MFSD6: variants seen among roughly 807,000 people sequenced by gnomAD.
MFSD6 encodes major facilitator superfamily domain-containing protein 6.
In MFSD6, 26 loss-of-function variants were observed where a neutral mutation model predicts 56.3. That is an observed-to-expected ratio of 0.46 (90% CI 0.34 to 0.64). MFSD6 has a LOEUF of 0.64. MFSD6 is among the 30% of genes least tolerant of loss of function. The pLI is 0.01. For missense variants in MFSD6, 750 were observed against 986.2 expected (o/e 0.76, Z 3.21); for synonymous variants, 331 against 366.9 (o/e 0.90, Z 1.12).
Position 190,498,216 on chromosome 2 carries a change from C to T in MFSD6, c.2172+497C>T, listed in dbSNP as rs1328385528. 6.6e-6 allele frequency among the ~76,000 whole-genome samples: 1 copy of T among 152,080 alleles called. No individual in the cohort carries two copies. Among genetic ancestry groups the T allele is most frequent in the Non-Finnish European group, 1.5e-5 (1 of 68,012 alleles). ...TCTAAAAGTGTGATTTTTCTTGTCC[C>T]CAGAGGAGTGATCTTTCCTGAGTAA... On this transcript the variant is annotated intron_variant, in intron 7 of 7. Coordinates refer to ENST00000392328, the MANE Select transcript of MFSD6 (RefSeq NM_017694.4). This position sits in a 1 kb window ranked among gnomAD's most constrained non-coding sequence, Gnocchi z 5.9.
chr2:190,429,999 T>TTC (rs1685912424), intron 2 of MFSD6, among the ~76,000 whole-genome samples: 2 of 141,542 alleles, frequency 1.4e-5, no homozygotes, highest in Non-Finnish European at 3.0e-5. Context: ...CTCCCCCAGC[T>TTC]CCCCACCCCC....
In MFSD6 at chr2:190,502,093, T is replaced by C. The variant is rs1690050568; in HGVS notation, c.*1875T>C. 1 of 152,596 alleles carries C rather than the reference T, an allele frequency of 6.6e-6. No homozygotes were observed. Among genetic ancestry groups the C allele is most frequent in the South Asian group, 2.1e-4 (1 of 4,828 alleles). 9.5% of individuals were successfully genotyped at this position (152,596 alleles called of 1,614,324 possible). ...CCATTTTTAAATGTTTCTTAAATGATAAAGATGTGACCAAACAAAAGTCCT... is the reference window on the plus strand; with the variant it reads ...CCATTTTTAAATGTTTCTTAAATGACAAAGATGTGACCAAACAAAAGTCCT... On this transcript the variant is annotated 3_prime_UTR_variant, in exon 8 of 8. Transcript: ENST00000392328. The surrounding 1 kb of genome is among the most constrained non-coding windows in gnomAD (Gnocchi z 4.4).
At chr2:190,479,498 C>T (rs1486025656) in intron 4 of MFSD6, among the ~76,000 whole-genome samples, 1 of 152,082 alleles carries the variant, frequency 6.6e-6, no homozygotes, top group Non-Finnish European at 1.5e-5. Context: ...GAATTTTCTC[C>T]TTTTGTTTTG....
chr2:190,432,266 C>G (rs1414652070), intron 2 of MFSD6, among the ~76,000 whole-genome samples: 2 of 152,164 alleles, frequency 1.3e-5, no homozygotes, highest in Admixed American at 1.3e-4. Flanking sequence ...TCTTGCCAGC[C>G]TCTGGGAACC....
At chr2:190,468,656 A>G (rs993664439) in intron 3 of MFSD6, among the ~76,000 whole-genome samples, 1 of 143,100 alleles carries the variant, frequency 7.0e-6, no homozygotes, top group African/African-American at 2.6e-5. Context: ...ACAGGTTCTC[A>G]CTATGTTGCC....
chr2:190,414,676 A>T (rs1047455919), intron 1 of MFSD6, among the ~76,000 whole-genome samples: 55 of 152,248 alleles, frequency 3.6e-4, no homozygotes, highest in Non-Finnish European at 7.9e-4. Context: ...GAACAAGGAC[A>T]TCCTAATTGT....
rs35466789 is a variant in MFSD6, at chr2:190,421,725, TA to T, written c.-54+6322del. ...CATGTACCACCATACCTGGCTAACT[TA>T]AAAAAAAAATTTTTTTTAAAGATGG... On this transcript the variant is annotated intron_variant, in intron 2 of 7. Transcript: ENST00000392328. 3.5e-3 allele frequency among the ~76,000 whole-genome samples: 522 copies of T among 151,008 alleles called. 4 individuals carry two copies. The highest frequency in any genetic ancestry group is 0.012 in the African/African-American group (494 of 41,040).
chr2:190,464,811 A>C, intron 3 of MFSD6: 1 of 631,358 alleles, frequency 1.6e-6, no homozygotes. Flanking sequence ...TTTCCTCTTC[A>C]TTTTTACTCC....
At position 190,451,742 on chromosome 2, in the gene MFSD6, G is replaced by C. The variant is rs1489690707; in HGVS notation, c.1532+14181G>C. 6.6e-6 allele frequency among the ~76,000 whole-genome samples: 1 copy of C among 152,232 alleles called. No individual in the cohort carries two copies. The highest frequency in any genetic ancestry group is 1.5e-5 in the Non-Finnish European group (1 of 68,046). The stretch of plus-strand genomic sequence containing the variant: ...AGAAAACCACACATGTGAATGGCCA[G>C]GGAGAGGGTAATAAAAGGACACCAG... On this transcript the variant is annotated intron_variant, in intron 3 of 7. Transcript: ENST00000392328. This position sits in a 1 kb window ranked among gnomAD's most constrained non-coding sequence, Gnocchi z 5.0.
chr2:190,411,254 G>A (rs1474636919), intron 1 of MFSD6: 1 of 539,944 alleles, frequency 1.9e-6, no homozygotes, highest in African/African-American at 2.1e-5. Flanking sequence ...CTGCCTCCTG[G>A]GTTCAAACTA....
chr2:190,476,463 T>C (rs2099859348), intron 4 of MFSD6, among the ~76,000 whole-genome samples: 1 of 152,194 alleles, frequency 6.6e-6, no homozygotes, highest in South Asian at 2.1e-4. Flanking sequence ...ATGCTCATCA[T>C]CACTGGCCAT....
intron 2 of MFSD6, among the ~76,000 whole-genome samples, chr2:190,420,292 A>G (rs1465582112): frequency 6.6e-6 from 1 of 151,796 alleles, no homozygotes; most frequent in African/African-American, 2.4e-5. Context: ...GTGCAAGTAA[A>G]CTCTGTTCCT....
Position 190,436,537 on chromosome 2 carries a change from A to T in MFSD6, c.508A>T (p.Thr170Ser), listed in dbSNP as rs1224807233. The T allele has an allele frequency of 6.2e-7, 1 of 1,614,186 alleles. No homozygotes were observed. Among genetic ancestry groups the T allele is most frequent in the Non-Finnish European group, 8.5e-7 (1 of 1,180,034 alleles). ...AAAGATTCGCCCAACAACTCACCCCACCAATGCAAGTCACCAGTTAACTAT... is the reference window on the plus strand; with the variant it reads ...AAAGATTCGCCCAACAACTCACCCCTCCAATGCAAGTCACCAGTTAACTAT... Reference protein sequence around the residue: ...VPKIRPTTHPTNASHQLTILP... With the variant: ...VPKIRPTTHPSNASHQLTILP... Residue 170 changes from threonine (T) to serine (S), a missense_variant, in exon 3 of 8, where the codon ACC becomes TCC. Physicochemically the swap from Thr to Ser is moderately conservative, Grantham distance 58. This residue lies in a region of MFSD6 where 376 missense variants were observed against 437.9 expected (regional missense o/e 0.86). Coordinates refer to ENST00000392328, the MANE Select transcript of MFSD6 (RefSeq NM_017694.4). The surrounding 1 kb of genome is among the most constrained non-coding windows in gnomAD (Gnocchi z 5.3).
At chr2:190,435,482 C>T (rs1420046993) in intron 2 of MFSD6, among the ~76,000 whole-genome samples, 1 of 152,224 alleles carries the variant, frequency 6.6e-6, no homozygotes, top group Non-Finnish European at 1.5e-5. Context: ...GCAACAATGC[C>T]ATCGGCTTCC....
intron 2 of MFSD6, among the ~76,000 whole-genome samples, chr2:190,420,678 G>A (rs1685575933): frequency 1.3e-5 from 2 of 151,920 alleles, no homozygotes; most frequent in Admixed American, 1.3e-4. Flanking sequence ...CCCTACATTG[G>A]GATATACTTG....
rs1388080216 is a variant in MFSD6, at chr2:190,497,319, A to AC, written c.1892-120_1892-119insC. ...AGTCATTGGTAACCAGCAATTTATT[A>AC]ATATTATCAAGCACTCTGGAATGGG... On this transcript the variant is annotated intron_variant, in intron 6 of 7. Coordinates refer to ENST00000392328, the MANE Select transcript of MFSD6 (RefSeq NM_017694.4). The surrounding 1 kb of genome is among the most constrained non-coding windows in gnomAD (Gnocchi z 5.2). 5 of 1,088,866 alleles carry AC rather than the reference A, an allele frequency of 4.6e-6. No homozygotes were observed. The African/African-American group carries it at 8.0e-5, about 17-fold the overall frequency. The allele number at this position is 1,088,866 out of a possible 1,614,324, so 67.5% of individuals were successfully genotyped here.
rs977967047 is a variant in MFSD6, at chr2:190,485,710, A to G, written c.1631-2947A>G. 2.0e-5 allele frequency among the ~76,000 whole-genome samples: 3 copies of G among 152,136 alleles called. No homozygotes were observed. Among genetic ancestry groups the G allele is most frequent in the African/African-American group, 4.8e-5 (2 of 41,416 alleles). On this transcript the variant is annotated intron_variant, in intron 4 of 7. Coordinates refer to ENST00000392328, the MANE Select transcript of MFSD6 (RefSeq NM_017694.4). This position sits in a 1 kb window ranked among gnomAD's most constrained non-coding sequence, Gnocchi z 5.1. ...AAGCTGGCATTATCTAGGGTATTGC[A>G]ATTGTTTTGCCAGATAAAGCAAACA... is the stretch of plus-strand genomic sequence containing the variant.
Position 190,413,898 on chromosome 2 carries a change from G to T in MFSD6, c.-175-1394G>T, listed in dbSNP as rs1458797440. On this transcript the variant is annotated intron_variant, in intron 1 of 7. Transcript: ENST00000392328. This position sits in a 1 kb window ranked among gnomAD's most constrained non-coding sequence, Gnocchi z 4.1. ...GGAGAAACTGAGCACTGGAGCAGTG[G>T]CAGGAGTGGGTCCCTGTGAGTCACG... is the stretch of plus-strand genomic sequence containing the variant. Among the ~76,000 whole-genome samples the T allele has an allele frequency of 1.3e-5, 2 of 152,186 alleles. No individual in the cohort carries two copies. The highest frequency in any genetic ancestry group is 1.3e-4 in the Admixed American group (2 of 15,280).
At position 190,471,906 on chromosome 2, in the gene MFSD6, A is replaced by G. The variant is rs1004605004; in HGVS notation, c.1630+2051A>G. Among the ~76,000 whole-genome samples the G allele has an allele frequency of 6.6e-6, 1 of 152,216 alleles. No homozygotes were observed. On this transcript the variant is annotated intron_variant, in intron 4 of 7. Transcript: ENST00000392328. The surrounding 1 kb of genome is among the most constrained non-coding windows in gnomAD (Gnocchi z 4.7). The stretch of plus-strand genomic sequence containing the variant: ...CTGAGACAAAACTTCCAGAGGAACG[A>G]TCAGGCAGCAATATTTGCTGTTCAC...
Sources: gnomAD v4.1 joint callset for allele counts (sites outside exome capture counted in the v4.1 genomes callset) on GRCh38, gnomAD v4.1.1 for gene constraint, gnomAD v4.1.1 regional missense constraint, Gnocchi (gnomAD v3.1) non-coding constraint, MANE v1.5 for transcripts, NCBI Gene and HGNC (gene_info 2026-07-23, HGNC 2026-07-21) for gene names.